The following IGSF8 variants were observed in gnomAD, a reference collection of about 807,000 sequenced individuals.
IGSF8 encodes the protein immunoglobulin superfamily member 8.
In IGSF8, 46 loss-of-function variants were observed where a neutral mutation model predicts 55.5. The ratio of observed to expected loss-of-function variants is 0.83; its 90% CI spans 0.65 to 1.06. The LOEUF is 1.06. IGSF8 is among the 50% of genes least tolerant of loss of function. The pLI, the probability that IGSF8 is intolerant of heterozygous loss-of-function variation, is 0.00. For synonymous variants in IGSF8, 314 were observed against 356.1 expected, an observed-to-expected ratio of 0.88 and a Z score of 1.33; for missense variants, 731 against 832.3, an observed-to-expected ratio of 0.88 and a Z score of 1.50.
At chr1:160,098,144 T>C (rs1212068552) in intron 1 of IGSF8, among the ~76,000 whole-genome samples, 5 of 152,236 alleles carry the variant, frequency 3.3e-5, no homozygotes, top group Non-Finnish European at 1.5e-5. Context: ...ATGTGTGGCC[T>C]GCCCCGGGAG....
chr1:160,093,288 G>C lies in IGSF8; in HGVS notation c.948C>G (p.Ile316Met). Reference sequence around the variant, plus strand: ...GCAGTTCCAAGGGCTCCCCTGGGCCGATCCGACGTTCACCAGGCCCCACTG... The same window carrying C: ...GCAGTTCCAAGGGCTCCCCTGGGCCCATCCGACGTTCACCAGGCCCCACTG... ...AVTVGPGERR[I>M]GPGEPLELLC... The change falls in exon 4 of 7, where the codon ATC (isoleucine) becomes ATG (methionine). Residue 316 changes from isoleucine (I) to methionine (M), a missense_variant. Ile to Met is a conservative substitution (Grantham distance 10). Transcript: ENST00000314485. 5 of 1,604,986 alleles carry C rather than the reference G, an allele frequency of 3.1e-6. No individual in the cohort carries two copies. The highest frequency in any genetic ancestry group is 4.3e-6 in the Non-Finnish European group (5 of 1,173,154).
In IGSF8 at chr1:160,093,822, G is replaced by A. The variant is rs370022156; in HGVS notation, c.792C>T (p.Asp264=). ...CGGCAGTGCAGTGGTAGGTGCCTGC[G>A]TCCCCTGCCTGGGCACCCCCTACTA... is the stretch of plus-strand genomic sequence containing the variant. ...RMVVGGAQAG[D]AGTYHCTAAE... Residue 264 remains aspartate (D), a synonymous_variant, in exon 3 of 7, where the codon GAC becomes GAT. Coordinates refer to ENST00000314485, the MANE Select transcript of IGSF8 (RefSeq NM_052868.6). 141 of 1,613,960 alleles carry A rather than the reference G, an allele frequency of 8.7e-5. No homozygotes were observed. The highest frequency in any genetic ancestry group is 1.1e-4 in the Non-Finnish European group (127 of 1,179,976).
chr1:160,098,289 G>C, intron 1 of IGSF8, 120 bp downstream of exon 1: 2 of 1,392,878 alleles, frequency 1.4e-6, no homozygotes, highest in Non-Finnish European at 1.9e-6. Context: ...CGCCGACCCC[G>C]GGGAGGCTGG....
Position 160,098,585 on chromosome 1 carries a change from G to C in IGSF8, c.-113C>G, listed in dbSNP as rs1650619727. 7.3e-6 allele frequency: 5 copies of C among 688,556 alleles called. No homozygotes were observed. The East Asian group carries it at 1.2e-4, about 17-fold the overall frequency. The allele number at this position is 688,556 out of a possible 1,614,324, so 42.7% of individuals were successfully genotyped here. ...GCAGGAAGCGGGGCAGCGAGGCGTG[G>C]GTGCGCCGAGCGAGCTGAACTGGAG... On this transcript the variant is annotated 5_prime_UTR_variant, in exon 1 of 7. Transcript: ENST00000314485.
Position 160,093,141 on chromosome 1 carries a change from C to A in IGSF8, c.1095G>T (p.Glu365Asp). Residue 365 changes from glutamate to aspartate, a missense_variant, in exon 4 of 7, where the codon GAG becomes GAT. Physicochemically the swap from Glu to Asp is conservative, Grantham distance 45. Coordinates refer to ENST00000314485, the MANE Select transcript of IGSF8 (RefSeq NM_052868.6). The stretch of plus-strand genomic sequence containing the variant: ...AGCCAGGGCCCAGGCTGCCCACACC[C>A]TCTGTGTCCAGCTGGGCTACCAGGC... ...PGRLVAQLDT[E>D]GVGSLGPGYE... 1 of 1,613,760 alleles carries A rather than the reference C, an allele frequency of 6.2e-7. No homozygotes were observed. The highest frequency in any genetic ancestry group is 8.5e-7 in the Non-Finnish European group (1 of 1,179,808).
At chr1:160,096,439 C>A (rs1650440848) in intron 1 of IGSF8, among the ~76,000 whole-genome samples, 1 of 152,238 alleles carries the variant, frequency 6.6e-6, no homozygotes, top group Non-Finnish European at 1.5e-5. Flanking sequence ...ACTGACCTCA[C>A]CAACCAGAGT....
At chr1:160,097,324 T>C (rs1650501130) in intron 1 of IGSF8, among the ~76,000 whole-genome samples, 1 of 152,004 alleles carries the variant, frequency 6.6e-6, no homozygotes, top group Admixed American at 6.5e-5. Flanking sequence ...CGCCTTCCTC[T>C]CTGTACATCC....
intron 1 of IGSF8, among the ~76,000 whole-genome samples, chr1:160,097,402 C>T (rs1248162017): frequency 6.6e-6 from 1 of 152,162 alleles, no homozygotes; most frequent in Non-Finnish European, 1.5e-5. Flanking sequence ...GGACCTGCAG[C>T]AGGGGAAGGC....
At chr1:160,097,123 CT>C (rs1285836544) in intron 1 of IGSF8, among the ~76,000 whole-genome samples, 10 of 152,248 alleles carry the variant, frequency 6.6e-5, no homozygotes, top group African/African-American at 2.4e-4. Flanking sequence ...AATGTGCTCT[CT>C]GGGGCAAGTT....
intron 5 of IGSF8, 59 bp from the exon 6 acceptor site, chr1:160,091,997 G>A: frequency 8.3e-7 from 1 of 1,198,842 alleles, no homozygotes; most frequent in Admixed American, 1.8e-5. Flanking sequence ...CCATACACTT[G>A]CCTCTGCGCT....
At position 160,098,416 on chromosome 1, in the gene IGSF8, TAGCAGC is replaced by T; in HGVS notation, c.51_56del (p.Leu18_Leu19del). 6.5e-7 allele frequency: 1 copy of T among 1,549,468 alleles called. No individual in the cohort carries two copies. The highest frequency in any genetic ancestry group is 8.7e-7 in the Non-Finnish European group (1 of 1,146,080). ...AACGGGGGCCTGGCTTACCTAGCATTAGCAGCAGCAGCAGCGGCAGCGAAGGCGGCA... is the reference window on the plus strand; with the variant it reads ...AACGGGGGCCTGGCTTACCTAGCATTAGCAGCAGCGGCAGCGAAGGCGGCA... On this transcript the variant is annotated inframe_deletion, in exon 1 of 7. Coordinates refer to ENST00000314485, the MANE Select transcript of IGSF8 (RefSeq NM_052868.6).
chr1:160,097,783 A>T, intron 1 of IGSF8: 1 of 985,464 alleles, frequency 1.0e-6, no homozygotes, highest in Non-Finnish European at 1.2e-6. Context: ...TGAGGCAAGG[A>T]AGCTGGAACT....
rs149496263 is a variant in IGSF8, at chr1:160,092,387, C to T, written c.1621G>A (p.Val541Met). 137 of 1,611,120 alleles carry T rather than the reference C, an allele frequency of 8.5e-5. No homozygotes were observed. The African/African-American group carries it at 8.9e-4, about 11-fold the overall frequency. Residue 541 changes from valine (V) to methionine (M), a missense_variant, in exon 5 of 7, where the codon GTG becomes ATG. By Grantham distance (21) the Val-to-Met change is conservative. Coordinates refer to ENST00000314485, the MANE Select transcript of IGSF8 (RefSeq NM_052868.6). ...CAGGCGCTGGGGGCACAGTGGTACA[C>T]GCCTTCATCCTCGGGCCCCAAGCTG... Reference protein sequence around the residue: ...LHSLGPEDEGVYHCAPSAWVQ... With the variant: ...LHSLGPEDEGMYHCAPSAWVQ...
In IGSF8 at chr1:160,093,226, C is replaced by T. The variant is rs200398989; in HGVS notation, c.1010G>A (p.Arg337His). The T allele has an allele frequency of 4.2e-5, 68 of 1,614,076 alleles. No homozygotes were observed. The highest frequency in any genetic ancestry group is 3.3e-4 in the Middle Eastern group (2 of 6,060). The change falls in exon 4 of 7, where the codon CGT becomes CAT. Residue 337 changes from arginine to histidine, a missense_variant. By Grantham distance (29) the Arg-to-His change is conservative. Coordinates refer to ENST00000314485, the MANE Select transcript of IGSF8 (RefSeq NM_052868.6). ...CCAACCTACAGAGTATGCAGCATGA[C>T]GGCCTGCTGGGGGAAGTGCCCCTGA... Reference protein sequence around the residue: ...NVSGALPPAGRHAAYSVGWEM... With the variant: ...NVSGALPPAGHHAAYSVGWEM...
At chr1:160,097,550 C>G (rs1650515534) in intron 1 of IGSF8, among the ~76,000 whole-genome samples, 1 of 152,200 alleles carries the variant, frequency 6.6e-6, no homozygotes, top group African/African-American at 2.4e-5. Flanking sequence ...GCTTCAGCCT[C>G]ATCAACATCT....
intron 1 of IGSF8, among the ~76,000 whole-genome samples, chr1:160,096,372 C>T (rs1404403521): frequency 6.6e-6 from 1 of 152,222 alleles, no homozygotes; most frequent in Non-Finnish European, 1.5e-5. Flanking sequence ...ACACACTCCT[C>T]CAGAGGGGCA....
intron 4 of IGSF8, 109 bp from the exon 5 acceptor site, chr1:160,092,804 T>C: frequency 6.7e-7 from 1 of 1,497,030 alleles, no homozygotes; most frequent in Non-Finnish European, 9.1e-7. Flanking sequence ...ACAATCTTGG[T>C]AGAAGAGGAG....
rs919618866 is a variant in IGSF8 at position 160,094,130 on chromosome 1, G to A, written c.484C>T (p.Pro162Ser). The stretch of plus-strand genomic sequence containing the variant: ...GAGGTTGGGGCCTGGCGGCCTCGGG[G>A]CCCTGGGGGGGCAGCAGACACCTGG... ...VLQVSAAPPG[P>S]RGRQAPTSPP... Residue 162 changes from proline (P) to serine (S), a missense_variant, in exon 3 of 7, where the codon CCC becomes TCC. Pro to Ser is a moderately conservative substitution (Grantham distance 74). Coordinates refer to ENST00000314485, the MANE Select transcript of IGSF8 (RefSeq NM_052868.6). The surrounding 1 kb of genome is among the most constrained non-coding windows in gnomAD (Gnocchi z 4.0). 37 of 1,605,948 alleles carry A rather than the reference G, an allele frequency of 2.3e-5. No homozygotes were observed. The highest frequency in any genetic ancestry group is 4.0e-5 in the African/African-American group (3 of 74,946).
At chr1:160,097,883 A>C in intron 1 of IGSF8, 3 of 985,456 alleles carry the variant, frequency 3.0e-6, no homozygotes, top group Non-Finnish European at 3.6e-6. Context: ...CCCAGGGTGG[A>C]GATGGGGGTG....
Sources: gnomAD v4.1 joint callset for allele counts (sites outside exome capture counted in the v4.1 genomes callset) on GRCh38, gnomAD v4.1.1 for gene constraint, Gnocchi (gnomAD v3.1) non-coding constraint, MANE v1.5 for transcripts, NCBI Gene and HGNC (gene_info 2026-07-23, HGNC 2026-07-21) for gene names.